Variants in SORL1 observed in about 807,000 individuals in gnomAD.
SORL1 encodes sortilin-related receptor.
SORL1 carries 127 observed loss-of-function variants against 273.7 expected under a neutral mutation model. The observed-to-expected ratio is 0.46, with a 90% CI of 0.40 to 0.54. SORL1 has a LOEUF of 0.54. Ranked by LOEUF, SORL1 falls within the 20% of genes least tolerant of loss-of-function variation. The pLI is 0.00. For missense variants in SORL1, 2,494 were observed against 2,846.1 expected (o/e 0.88, Z 2.81); for synonymous variants, 1,031 against 1,067.4 (o/e 0.97, Z 0.66).
rs148412508 is a variant in SORL1, at chr11:121,605,469, G to A, written c.4846G>A (p.Val1616Ile). 2.5e-6 allele frequency: 4 copies of A among 1,614,126 alleles called. No homozygotes were observed. In the Admixed American group the frequency reaches 5.0e-5, roughly 20 times the overall value. Residue 1616 changes from valine to isoleucine, a missense_variant, in exon 35 of 48, where the codon GTC becomes ATC. Transcript: ENST00000260197. ...HSNKTNTVLKVLKPDTTYQVK... is the reference protein window; with the variant it reads ...HSNKTNTVLKILKPDTTYQVK... Reference sequence around the variant, plus strand: ...CAATAAGACAAACACTGTATTAAAAGTCTTGAAACCAGATACCACGTATCA... The same window carrying A: ...CAATAAGACAAACACTGTATTAAAAATCTTGAAACCAGATACCACGTATCA...
intron 40 of SORL1, chr11:121,614,583 G>A: frequency 3.3e-6 from 1 of 304,720 alleles, no homozygotes; most frequent in Non-Finnish European, 6.0e-6. Flanking sequence ...GATTTCCAAG[G>A]TTCTTGTTAT....
chr11:121,570,151 G>T lies in SORL1; in HGVS notation c.3224-6G>T. 1.2e-6 allele frequency: 2 copies of T among 1,601,774 alleles called. No individual in the cohort carries two copies. Among genetic ancestry groups the T allele is most frequent in the Non-Finnish European group, 1.7e-6 (2 of 1,169,128 alleles). Reference sequence around the variant, plus strand: ...ATTTCCTCCCCTGCCGCACTCTGATGGGTAGAGAACACCTGTCTTCGCAAC... The same window carrying T: ...ATTTCCTCCCCTGCCGCACTCTGATTGGTAGAGAACACCTGTCTTCGCAAC... On this transcript the variant is annotated splice_polypyrimidine_tract_variant and splice_region_variant and intron_variant, in intron 22 of 47. Transcript: ENST00000260197.
chr11:121,507,196 T>C (rs1202809668), intron 6 of SORL1, among the ~76,000 whole-genome samples: 5 of 152,322 alleles, frequency 3.3e-5, no homozygotes, highest in Non-Finnish European at 7.4e-5. Flanking sequence ...TCATTTTTCT[T>C]TGCTGCTTTC....
chr11:121,608,199 G>GATTTAGAGA (rs1198486794), intron 38 of SORL1, 23 bp downstream of exon 38: 2 of 1,581,404 alleles, frequency 1.3e-6, no homozygotes. Flanking sequence ...AGCATTTGCA[G>GATTTAGAGA]ATTTAGAGAA....
At chr11:121,617,907 A>G (rs1863663540) in intron 41 of SORL1, among the ~76,000 whole-genome samples, 1 of 152,180 alleles carries the variant, frequency 6.6e-6, no homozygotes, top group African/African-American at 2.4e-5. Context: ...AATTAAAACA[A>G]GTTTAGAGTT....
rs1277459669 is a variant in SORL1 at position 121,522,982 on chromosome 11, G to A, written c.1589G>A (p.Trp530Ter). The A allele has an allele frequency of 1.2e-6, 2 of 1,612,378 alleles. No individual in the cohort carries two copies. The highest frequency in any genetic ancestry group is 2.2e-5 in the East Asian group (1 of 44,872). ...VYISSSAGAR[W>*]REALPGPHYY... ...ATCTCTAGCAGTGCTGGAGCCAGGT[G>A]GCGAGAGGTCAGCCCCCTCCCCCAA... Residue 530 changes from tryptophan (W) to a stop codon, truncating the protein, a stop_gained, in exon 11 of 48, where the codon TGG (tryptophan) becomes TAG (stop). Coordinates refer to ENST00000260197, the MANE Select transcript of SORL1 (RefSeq NM_003105.6). LOFTEE classifies it high-confidence loss of function.
At chr11:121,542,641 C>T (rs1432448991) in intron 12 of SORL1, among the ~76,000 whole-genome samples, 1 of 151,996 alleles carries the variant, frequency 6.6e-6, no homozygotes, top group Non-Finnish European at 1.5e-5. Context: ...ACTCTCTGAT[C>T]ATTCATTGTA....
Position 121,621,264 on chromosome 11 carries a change from T to C in SORL1, c.6064+26T>C, listed in dbSNP as rs777522956. 3.1e-5 allele frequency: 49 copies of C among 1,602,664 alleles called. No homozygotes were observed. The Admixed American group carries it at 8.1e-4, about 26-fold the overall frequency. On this transcript the variant is annotated intron_variant, in intron 44 of 47. Transcript: ENST00000260197. ...GTAAGCAGGAGAGAGGTTAGAGGTCTTCTCACACAGCCTGCCCTCAGTGCT... is the reference window on the plus strand; with the variant it reads ...GTAAGCAGGAGAGAGGTTAGAGGTCCTCTCACACAGCCTGCCCTCAGTGCT...
Position 121,550,764 on chromosome 11 carries a change from T to C in SORL1, c.2266+94T>C. The C allele has an allele frequency of 1.1e-6, 1 of 926,814 alleles. No homozygotes were observed. Among genetic ancestry groups the C allele is most frequent in the Admixed American group, 2.6e-5 (1 of 38,770 alleles). The allele number at this position is 926,814 out of a possible 1,614,324, so 57.4% of individuals were successfully genotyped here. On this transcript the variant is annotated intron_variant, in intron 16 of 47. Transcript: ENST00000260197. The surrounding 1 kb of genome is among the most constrained non-coding windows in gnomAD (Gnocchi z 5.3). ...AGTCCGGGCTTGTGGCTCCTTTAAT[T>C]GAGTGGAGAAAAACAATGGCCGTCA...
intron 27 of SORL1, among the ~76,000 whole-genome samples, chr11:121,587,010 C>T (rs534899528): frequency 1.3e-5 from 2 of 152,250 alleles, no homozygotes; most frequent in South Asian, 4.1e-4. Flanking sequence ...AGTCCCTAAC[C>T]TGCTCTATTA....
In SORL1 at chr11:121,574,302, A is replaced by G. The variant is rs1047947194; in HGVS notation, c.3399A>G (p.Pro1133=). Residue 1133 remains proline, a synonymous_variant, in exon 24 of 48, where the codon CCA becomes CCG. Coordinates refer to ENST00000260197, the MANE Select transcript of SORL1 (RefSeq NM_003105.6). ...GCCAGGAGTCTGGGACTTGTATCCC[A>G]CTGTCCTATAAATGTGACCTTGAGG... ...FRCQESGTCI[P]LSYKCDLEDD... 1.2e-6 allele frequency: 2 copies of G among 1,613,580 alleles called. No homozygotes were observed. The highest frequency in any genetic ancestry group is 1.7e-6 in the Non-Finnish European group (2 of 1,179,628).
In SORL1 at chr11:121,622,198, C is replaced by G. The variant is rs777578150; in HGVS notation, c.6101C>G (p.Thr2034Arg). The G allele has an allele frequency of 6.2e-7, 1 of 1,611,860 alleles. No homozygotes were observed. Among genetic ancestry groups the G allele is most frequent in the Non-Finnish European group, 8.5e-7 (1 of 1,178,786 alleles). ...GCACCTGATGCCTTAAAAATCATAACAGAAAATGATCATGTTCTTCTGTTT... is the reference window on the plus strand; with the variant it reads ...GCACCTGATGCCTTAAAAATCATAAGAGAAAATGATCATGTTCTTCTGTTT... ...LSAPDALKII[T>R]ENDHVLLFWK... Residue 2034 changes from threonine (T) to arginine (R), a missense_variant, in exon 45 of 48, where the codon ACA (threonine) becomes AGA (arginine). This residue lies in a region of SORL1 where 1,609 missense variants were observed against 1,816.4 expected (regional missense o/e 0.89). Coordinates refer to ENST00000260197, the MANE Select transcript of SORL1 (RefSeq NM_003105.6).
At chr11:121,545,013 G>C (rs146410400) in intron 13 of SORL1, among the ~76,000 whole-genome samples, 291 of 152,336 alleles carry the variant, frequency 1.9e-3, no homozygotes, top group African/African-American at 6.8e-3. Context: ...GTGCCTAAAG[G>C]TGGCTTGCTT....
At chr11:121,549,925 ACCGTGG>A (rs763822872) in intron 14 of SORL1, 29 bp from the exon 15 acceptor site, 1 of 1,608,190 alleles carries the variant, frequency 6.2e-7, no homozygotes, top group South Asian at 1.1e-5. Flanking sequence ...AATGTATAAA[ACCGTGG>A]CCTTAACAAA....
chr11:121,569,970 C>T (rs990018073), intron 22 of SORL1, among the ~76,000 whole-genome samples, 187 bp from the exon 23 acceptor site: 3 of 152,020 alleles, frequency 2.0e-5, no homozygotes, highest in East Asian at 1.9e-4. Context: ...TTTCTCAGAC[C>T]GGCCGACACT....
chr11:121,558,952 C>CT, intron 20 of SORL1, 115 bp downstream of exon 20: 2 of 1,361,336 alleles, frequency 1.5e-6, no homozygotes, highest in Admixed American at 2.5e-5. Flanking sequence ...TAAAGGTTGC[C>CT]TTTTTTCCAA....
intron 2 of SORL1, among the ~76,000 whole-genome samples, chr11:121,473,275 G>C (rs1485107275): frequency 1.3e-5 from 2 of 151,880 alleles, no homozygotes; most frequent in African/African-American, 2.4e-5. Context: ...AGCGGCCAAA[G>C]TCATGCATAT....
Position 121,520,783 on chromosome 11 carries a change from A to C in SORL1, c.1338A>C (p.Lys446Asn). ...ENMRSVITFD[K>N]GGTWEFLQAP... ...TGAGATCGGTCATCACCTTTGACAA[A>C]GGGGGAACCTGGGAGTTTCTTCAGG... The change falls in exon 9 of 48, where the codon AAA (lysine) becomes AAC (asparagine). Residue 446 changes from lysine (K) to asparagine (N), a missense_variant. By Grantham distance (94) the Lys-to-Asn change is moderately conservative. This residue lies in a region of SORL1 where 710 missense variants were observed against 882.5 expected (regional missense o/e 0.80). Coordinates refer to ENST00000260197, the MANE Select transcript of SORL1 (RefSeq NM_003105.6). The C allele has an allele frequency of 6.2e-7, 1 of 1,612,968 alleles. No homozygotes were observed. Among genetic ancestry groups the C allele is most frequent in the Non-Finnish European group, 8.5e-7 (1 of 1,179,476 alleles).
chr11:121,574,142 GCTTT>G, intron 23 of SORL1, 95 bp from the exon 24 acceptor site: 9 of 1,194,360 alleles, frequency 7.5e-6, no homozygotes, highest in Non-Finnish European at 1.1e-5. Flanking sequence ...ATTAATACCT[GCTTT>G]CTTCTATTTT....
Sources: gnomAD v4.1 joint callset for allele counts (sites outside exome capture counted in the v4.1 genomes callset) on GRCh38, gnomAD v4.1.1 for gene constraint, gnomAD v4.1.1 regional missense constraint, Gnocchi (gnomAD v3.1) non-coding constraint, MANE v1.5 for transcripts, NCBI Gene and HGNC (gene_info 2026-07-23, HGNC 2026-07-21) for gene names.